Variants in RASGRP3 observed in about 807,000 individuals in gnomAD.
RASGRP3 encodes the protein ras guanyl-releasing protein 3.
RASGRP3 carries 54 observed loss-of-function variants against 82.7 expected under a neutral mutation model. The observed-to-expected ratio is 0.65, with a 90% CI of 0.52 to 0.82. RASGRP3 has a LOEUF of 0.82. Among genes scored for constraint, RASGRP3 ranks in the 40% least tolerant of loss-of-function variants. The pLI is 0.00. For synonymous variants in RASGRP3, 309 were observed against 300.5 expected (o/e 1.03, Z -0.29); for missense variants, 861 against 828.9 (o/e 1.04, Z -0.48).
chr2:33,466,002 T>G (rs1331756612), intron 2 of RASGRP3, among the ~76,000 whole-genome samples: 1 of 151,698 alleles, frequency 6.6e-6, no homozygotes, highest in African/African-American at 2.4e-5. Context: ...GATTCCTTCT[T>G]ACTGCTCATT....
intron 1 of RASGRP3, among the ~76,000 whole-genome samples, chr2:33,437,032 T>A (rs1270889688): frequency 6.6e-6 from 1 of 152,172 alleles, no homozygotes; most frequent in Non-Finnish European, 1.5e-5. Flanking sequence ...GTATAAAAGT[T>A]ATATATAAAA....
intron 1 of RASGRP3, among the ~76,000 whole-genome samples, chr2:33,495,140 CAGTA>C (rs1669192328): frequency 6.6e-6 from 1 of 152,162 alleles, no homozygotes; most frequent in South Asian, 2.1e-4. Context: ...TCTGTGGTGT[CAGTA>C]GGTAGCCCAG....
intron 1 of RASGRP3, among the ~76,000 whole-genome samples, chr2:33,480,269 T>C (rs2150935052): frequency 6.6e-6 from 1 of 152,260 alleles, no homozygotes; most frequent in Admixed American, 6.5e-5. Context: ...GCTCTCGATC[T>C]CCTGACCTGG....
chr2:33,522,978 C>T (rs1413773184), intron 7 of RASGRP3, among the ~76,000 whole-genome samples: 1 of 152,218 alleles, frequency 6.6e-6, no homozygotes, highest in Non-Finnish European at 1.5e-5. Context: ...GACATCCATG[C>T]TAACATTCTG....
At chr2:33,539,832 C>T (rs1374475768) in intron 12 of RASGRP3, 4 of 151,448 alleles carry the variant, frequency 2.6e-5, no homozygotes, top group Non-Finnish European at 5.9e-5. Context: ...ACTAAAAATA[C>T]AAAAAATTAG....
chr2:33,558,859 C>T lies in RASGRP3; in HGVS notation c.1893C>T (p.His631=), dbSNP rs768632913. Residue 631 remains histidine (H), a synonymous_variant, in exon 17 of 18, where the codon CAC becomes CAT. Coordinates refer to ENST00000403687, the MANE Select transcript of RASGRP3 (RefSeq NM_001139488.2). ...CTGGCTGGGGGGACTCGGGGTCCCA[C>T]ACCTTCCCTAAAATGAAATCCAAGT... ...SEAGWGDSGS[H]TFPKMKSKFH... is the part of the protein sequence containing the mutation. The T allele has an allele frequency of 3.7e-6, 6 of 1,614,034 alleles. No homozygotes were observed. Among genetic ancestry groups the T allele is most frequent in the South Asian group, 2.2e-5 (2 of 91,088 alleles).
At chr2:33,505,545 GC>G (rs1670289272) in intron 1 of RASGRP3, among the ~76,000 whole-genome samples, 1 of 152,078 alleles carries the variant, frequency 6.6e-6, no homozygotes, top group South Asian at 2.1e-4. Flanking sequence ...CAGGTGATCC[GC>G]CCACAGCCTC....
At chr2:33,495,955 A>G (rs368467045) in intron 1 of RASGRP3, among the ~76,000 whole-genome samples, 94 of 152,306 alleles carry the variant, frequency 6.2e-4, no homozygotes, top group African/African-American at 2.3e-3. Flanking sequence ...CAGCCCTAAA[A>G]TGAGCAGAAC....
chr2:33,495,145 G>A (rs1669193228), intron 1 of RASGRP3, among the ~76,000 whole-genome samples: 1 of 152,210 alleles, frequency 6.6e-6, no homozygotes, highest in South Asian at 2.1e-4. Context: ...GGTGTCAGTA[G>A]GTAGCCCAGT....
rs138746045 is a variant in RASGRP3, at chr2:33,498,081, C to A, written c.-260-13629C>A. Among the ~76,000 whole-genome samples the A allele has an allele frequency of 1.5e-3, 226 of 151,962 alleles. 1 individual carries two copies. Among genetic ancestry groups the A allele is most frequent in the African/African-American group, 5.2e-3 (214 of 41,424 alleles). ...GTATATGTAGGTAAAATGTATGTGG[C>A]TTATGAATTTGAGAGGAGTGACAGA... On this transcript the variant is annotated intron_variant, in intron 1 of 17. Transcript: ENST00000403687.
Position 33,539,094 on chromosome 2 carries a change from C to G in RASGRP3, c.1162C>G (p.Gln388Glu). Residue 388 changes from glutamine (Q) to glutamate (E), a missense_variant and splice_region_variant, in exon 12 of 18, where the codon CAG (glutamine) becomes GAG (glutamate). Gln to Glu is a conservative substitution (Grantham distance 29). Transcript: ENST00000403687. Reference sequence around the variant, plus strand: ...ATGTGGTTTTTTTTTTGTTTATCAGCAGCCTACCTCCCCTACGACGCCCAA... The same window carrying G: ...ATGTGGTTTTTTTTTTGTTTATCAGGAGCCTACCTCCCCTACGACGCCCAA... ...LVLEPRNSKS[Q>E]PTSPTTPNKP... The G allele has an allele frequency of 3.2e-6, 5 of 1,580,544 alleles. No individual in the cohort carries two copies. The highest frequency in any genetic ancestry group is 4.3e-6 in the Non-Finnish European group (5 of 1,164,068).
At chr2:33,494,529 A>AT (rs1490465447) in intron 1 of RASGRP3, among the ~76,000 whole-genome samples, 4 of 152,208 alleles carry the variant, frequency 2.6e-5, no homozygotes, top group African/African-American at 7.2e-5. Flanking sequence ...TGAGTCTGAC[A>AT]TGGAAAAGTA....
intron 2 of RASGRP3, 60 bp downstream of exon 2, chr2:33,511,902 C>T (rs1670963078): frequency 6.6e-6 from 1 of 152,460 alleles, no homozygotes; most frequent in Non-Finnish European, 1.5e-5. Context: ...ATTAAATATG[C>T]CTAGAGAAAC....
chr2:33,464,997 C>T (rs1269824288), intron 2 of RASGRP3, among the ~76,000 whole-genome samples: 1 of 152,118 alleles, frequency 6.6e-6, no homozygotes, highest in Non-Finnish European at 1.5e-5. Flanking sequence ...TCTAAGTGTT[C>T]AAGTGAGAGA....
chr2:33,452,807 T>A (rs1308758335), intron 2 of RASGRP3, among the ~76,000 whole-genome samples: 1 of 152,218 alleles, frequency 6.6e-6, no homozygotes, highest in Non-Finnish European at 1.5e-5. Context: ...GGTGCTTGAA[T>A]GGAGCTGCAG....
intron 9 of RASGRP3, among the ~76,000 whole-genome samples, chr2:33,526,170 C>G (rs1032057995): frequency 6.6e-5 from 10 of 152,114 alleles, no homozygotes; most frequent in Non-Finnish European, 2.9e-5. Flanking sequence ...TTGGCTTAAC[C>G]CTGAGTTCCT....
At chr2:33,462,188 G>A (rs1225332487) in intron 2 of RASGRP3, among the ~76,000 whole-genome samples, 2 of 152,100 alleles carry the variant, frequency 1.3e-5, no homozygotes, top group Non-Finnish European at 2.9e-5. Context: ...AATGAAGAAA[G>A]AAAGTGAGCA....
chr2:33,516,579 A>C lies in RASGRP3; in HGVS notation c.108A>C (p.Arg36Ser), dbSNP rs532104316. 160 of 1,594,192 alleles carry C rather than the reference A, an allele frequency of 1.0e-4. No homozygotes were observed. In the South Asian group the frequency reaches 1.7e-3, roughly 17 times the overall value. Residue 36 changes from arginine to serine, a missense_variant, in exon 4 of 18, where the codon AGA becomes AGC. Arg to Ser is a moderately radical substitution (Grantham distance 110, BLOSUM62 -1). Coordinates refer to ENST00000403687, the MANE Select transcript of RASGRP3 (RefSeq NM_001139488.2). ...NGELDNSYLP[R>S]IVLLMHRWYL... ...AGCTGGATAATAGTTATTTGCCAAG[A>C]ATAGTTCTACTGATGCACCGATGGT...
At chr2:33,507,965 A>G (rs1036470181) in intron 1 of RASGRP3, among the ~76,000 whole-genome samples, 1 of 152,272 alleles carries the variant, frequency 6.6e-6, no homozygotes, top group East Asian at 1.9e-4. Context: ...CTAAACCAGC[A>G]TGTGTCCATG....
Sources: allele counts gnomAD v4.1 joint callset (sites outside exome capture counted in the v4.1 genomes callset), GRCh38; gene constraint gnomAD v4.1.1; transcripts MANE v1.5; gene names NCBI Gene and HGNC (gene_info 2026-07-23, HGNC 2026-07-21).